ZNF578: variants seen among roughly 807,000 people sequenced by gnomAD.
The protein encoded by ZNF578 is Putative chemokine-related protein B42.
Under a neutral mutation model 8.3 loss-of-function variants are expected in ZNF578, and 8 were observed. The observed-to-expected ratio is 0.96, with a 90% CI of 0.56 to 1.74. The LOEUF (loss-of-function observed/expected upper bound fraction) is 1.74. Among genes scored for constraint, ZNF578 ranks in the 40% most tolerant of loss-of-function variants. The pLI is 0.00. For missense variants in ZNF578, 726 were observed against 707.5 expected, an observed-to-expected ratio of 1.03 and a Z score of -0.30; for synonymous variants, 206 against 232.2, an observed-to-expected ratio of 0.89 and a Z score of 1.03.
intron 2 of ZNF578, among the ~76,000 whole-genome samples, chr19:52,480,954 C>A (rs1271755071): frequency 6.8e-6 from 1 of 147,850 alleles, no homozygotes; most frequent in Non-Finnish European, 1.5e-5. Flanking sequence ...TAATTTGGCA[C>A]CAAATAAATA....
At chr19:52,485,822 A>C (rs1436357804) in intron 2 of ZNF578, among the ~76,000 whole-genome samples, 2 of 152,186 alleles carry the variant, frequency 1.3e-5, no homozygotes, top group African/African-American at 4.8e-5. Context: ...CGGGGACACA[A>C]AACACTGTGG....
intron 2 of ZNF578, among the ~76,000 whole-genome samples, chr19:52,469,158 T>G (rs1292348619): frequency 1.7e-4 from 6 of 34,560 alleles, no homozygotes; most frequent in Non-Finnish European, 4.5e-4. Context: ...CCTGGAGTGG[T>G]TTTTTTTTGT....
chr19:52,484,765 T>C, intron 2 of ZNF578, among the ~76,000 whole-genome samples: 1 of 150,134 alleles, frequency 6.7e-6, no homozygotes, highest in East Asian at 2.0e-4. Context: ...ACCCCCACTC[T>C]GCCCGCCAGA....
chr19:52,468,510 T>A (rs1040359223), intron 2 of ZNF578, among the ~76,000 whole-genome samples: 1 of 152,200 alleles, frequency 6.6e-6, no homozygotes, highest in Non-Finnish European at 1.5e-5. Context: ...ACATTCAGTG[T>A]TATCCTAAAG....
intron 2 of ZNF578, among the ~76,000 whole-genome samples, chr19:52,468,650 A>G (rs1046915174): frequency 4.6e-5 from 7 of 152,142 alleles, no homozygotes; most frequent in African/African-American, 1.7e-4. Flanking sequence ...GGTGTTGCCG[A>G]GGAGATTGAC....
intron 2 of ZNF578, among the ~76,000 whole-genome samples, chr19:52,467,273 A>C (rs1196727502): frequency 1.3e-5 from 2 of 151,990 alleles, no homozygotes; most frequent in Non-Finnish European, 2.9e-5. Flanking sequence ...AGCCTCCCAA[A>C]ATGCTGACTG....
chr19:52,502,296 G>A (rs184628151), intron 4 of ZNF578, among the ~76,000 whole-genome samples: 9 of 152,294 alleles, frequency 5.9e-5, no homozygotes, highest in South Asian at 2.1e-4. Flanking sequence ...TATGAAATAC[G>A]TATGTTAATG....
rs2059238933 is a variant in ZNF578 at position 52,456,123 on chromosome 19, A to T, written c.-212-745A>T. ...CTTCCTTTTCTAGGCCTGGGTTCTG[A>T]TATCACCTTCTCAGTGAAGGTTTAT... On this transcript the variant is annotated intron_variant, in intron 1 of 5. Coordinates refer to ENST00000421239, the MANE Select transcript of ZNF578 (RefSeq NM_001099694.2). The T allele has an allele frequency of 2.0e-5, 3 of 152,230 alleles. No individual in the cohort carries two copies. In the South Asian group the frequency reaches 6.2e-4, roughly 32 times the overall value. The allele number at this position is 152,230 out of a possible 1,614,324, so 9.4% of individuals were successfully genotyped here. A position where few individuals can be genotyped will look rare whatever the true frequency, so the allele number is the denominator to read the frequency against.
chr19:52,511,274 A>T lies in ZNF578; in HGVS notation c.893A>T (p.Tyr298Phe). 6.2e-7 allele frequency: 1 copy of T among 1,614,150 alleles called. No homozygotes were observed. Among genetic ancestry groups the T allele is most frequent in the Non-Finnish European group, 8.5e-7 (1 of 1,180,018 alleles). ...AATGAATGTGGAAAGTCCTTCAGTT[A>T]CAAGTCATCCCTGACATGCCATCGT... ...KCNECGKSFS[Y>F]KSSLTCHRRC... The change falls in exon 6 of 6, where the codon TAC becomes TTC. Residue 298 changes from tyrosine to phenylalanine, a missense_variant. Transcript: ENST00000421239.
chr19:52,503,901 G>T (rs2059416237), intron 4 of ZNF578, among the ~76,000 whole-genome samples: 1 of 149,666 alleles, frequency 6.7e-6, no homozygotes, highest in African/African-American at 2.5e-5. Context: ...GGATTCAAGC[G>T]ATCCTCCTGC....
chr19:52,476,483 T>C (rs1178433282), intron 2 of ZNF578, among the ~76,000 whole-genome samples: 1 of 152,198 alleles, frequency 6.6e-6, no homozygotes, highest in African/African-American at 2.4e-5. Flanking sequence ...CTAGCCCTTT[T>C]CTATCTGTTT....
chr19:52,474,227 A>G (rs974940330), intron 2 of ZNF578: 13 of 303,032 alleles, frequency 4.3e-5, no homozygotes, highest in Non-Finnish European at 5.5e-5. Flanking sequence ...GCCACATTCA[A>G]TATATTTGTA....
intron 2 of ZNF578, among the ~76,000 whole-genome samples, chr19:52,478,645 A>C (rs1345293918): frequency 1.3e-5 from 2 of 152,222 alleles, no homozygotes; most frequent in African/African-American, 4.8e-5. Context: ...AGTATGAACA[A>C]AACTCCAAGT....
Position 52,514,070 on chromosome 19 carries a change from C to T in ZNF578, c.*1916C>T, listed in dbSNP as rs879319517. Among the ~76,000 whole-genome samples the T allele has an allele frequency of 9.9e-5, 15 of 152,082 alleles. No individual in the cohort carries two copies. Among genetic ancestry groups the T allele is most frequent in the Non-Finnish European group, 2.1e-4 (14 of 68,002 alleles). ...CAGACATCAAAAATGCTTTTGTTCT[C>T]GTTGTGTCATAGACTTCCCTTTTTT... On this transcript the variant is annotated 3_prime_UTR_variant, in exon 6 of 6. Coordinates refer to ENST00000421239, the MANE Select transcript of ZNF578 (RefSeq NM_001099694.2).
intron 2 of ZNF578, among the ~76,000 whole-genome samples, chr19:52,484,082 ATAG>A (rs1450870162): frequency 1.3e-5 from 2 of 152,296 alleles, no homozygotes; most frequent in Admixed American, 1.3e-4. Context: ...CAATAGGGTA[ATAG>A]TAGAGAGGTC....
At chr19:52,475,776 G>A (rs758773040) in intron 2 of ZNF578, among the ~76,000 whole-genome samples, 5 of 152,302 alleles carry the variant, frequency 3.3e-5, no homozygotes, top group South Asian at 2.1e-4. Context: ...TAGTGCCTGC[G>A]TAATGGTATG....
In ZNF578 at chr19:52,493,851, G is replaced by A. The variant is rs541753403; in HGVS notation, c.-20+2426G>A. ...ACTAAAAATGCAAAATTAGCCGGGC[G>A]CGGTTGCACATGCCTGTAACGCCAG... On this transcript the variant is annotated intron_variant, in intron 3 of 5. Transcript: ENST00000421239. Among the ~76,000 whole-genome samples, 234 of 152,028 alleles carry A rather than the reference G, an allele frequency of 1.5e-3. 1 individual carries two copies. Among genetic ancestry groups the A allele is most frequent in the Non-Finnish European group, 2.6e-3 (175 of 67,984 alleles).
In ZNF578 at chr19:52,507,906, G is replaced by A. The variant is rs951336648; in HGVS notation, c.191-2666G>A. Among the ~76,000 whole-genome samples, 7 of 152,040 alleles carry A rather than the reference G, an allele frequency of 4.6e-5. 1 individual carries two copies. The highest frequency in any genetic ancestry group is 2.0e-4 in the Admixed American group (3 of 15,258). ...CTCTACTAAAACTACAAAATTAGCC[G>A]GGAGTGGTGGCACATGCCTGTAATC... On this transcript the variant is annotated intron_variant, in intron 5 of 5. Coordinates refer to ENST00000421239, the MANE Select transcript of ZNF578 (RefSeq NM_001099694.2).
intron 2 of ZNF578, among the ~76,000 whole-genome samples, chr19:52,471,445 A>G (rs1033326841): frequency 1.3e-5 from 2 of 152,138 alleles, no homozygotes; most frequent in Non-Finnish European, 2.9e-5. Flanking sequence ...GTAGAACCCT[A>G]ATACAATTAC....
Sources: gnomAD v4.1 joint callset for allele counts (sites outside exome capture counted in the v4.1 genomes callset) on GRCh38, gnomAD v4.1.1 for gene constraint, MANE v1.5 for transcripts, NCBI Gene and HGNC (gene_info 2026-07-23, HGNC 2026-07-21) for gene names.